The following CUX2 variants were observed in gnomAD, a reference collection of about 807,000 sequenced individuals.
CUX2 encodes the protein homeobox protein cut-like 2.
A neutral mutation model predicts 144.8 loss-of-function variants in CUX2; 40 were observed. The observed-to-expected ratio is 0.28, with a 90% confidence interval of 0.21 to 0.36. CUX2 has a LOEUF of 0.36. CUX2 is among the 10% of genes least tolerant of loss of function. CUX2 has a pLI of 1.00. For missense variants in CUX2, 1,615 were observed against 1,994.0 expected (o/e 0.81, Z 3.62); for synonymous variants, 827 against 875.6 (o/e 0.94, Z 0.98).
At chr12:111,083,976 C>T (rs776294102) in intron 1 of CUX2, among the ~76,000 whole-genome samples, 1 of 152,042 alleles carries the variant, frequency 6.6e-6, no homozygotes, top group Admixed American at 6.5e-5. Context: ...CCTCGAGTAC[C>T]AGGGTGGGAG....
At position 111,070,393 on chromosome 12, in the gene CUX2, T is replaced by TTTCCTTCC. The variant is rs143464416; in HGVS notation, c.63+36209_63+36216dup. On this transcript the variant is annotated intron_variant, in intron 1 of 21. Transcript: ENST00000261726. The stretch of plus-strand genomic sequence containing the variant: ...CCCTCCCTTCTTCCTTCCTTCCTTC[T>TTTCCTTCC]TTCCTTCCTTCCTTCCTTCCTTCCT... 1.5e-3 allele frequency among the ~76,000 whole-genome samples: 154 copies of TTTCCTTCC among 99,466 alleles called. 1 individual carries two copies. Among genetic ancestry groups the TTTCCTTCC allele is most frequent in the African/African-American group, 4.9e-3 (113 of 22,958 alleles). The allele number at this position is 99,466 out of a possible 152,430, so 65.3% of individuals were successfully genotyped here. A position where few individuals can be genotyped will look rare whatever the true frequency, so the allele number is the denominator to read the frequency against.
chr12:111,047,667 T>C (rs60979534), intron 1 of CUX2, among the ~76,000 whole-genome samples: 12,556 of 152,250 alleles, frequency 0.082, 1,732 homozygotes, highest in African/African-American at 0.29. Context: ...CCAGACAGTC[T>C]GGCCAGAGTC....
chr12:111,053,908 G>A (rs1361170372), intron 1 of CUX2, among the ~76,000 whole-genome samples: 2 of 152,104 alleles, frequency 1.3e-5, no homozygotes, highest in African/African-American at 2.4e-5. Context: ...TAATCCTAAC[G>A]CTTTGGGAGG....
intron 1 of CUX2, among the ~76,000 whole-genome samples, chr12:111,201,892 T>C (rs1284172849): frequency 6.6e-6 from 1 of 152,242 alleles, no homozygotes; most frequent in Non-Finnish European, 1.5e-5. Flanking sequence ...AGCCCAGCTC[T>C]GCTTTTGCCT....
At chr12:111,060,250 G>A (rs1378574597) in intron 1 of CUX2, among the ~76,000 whole-genome samples, 3 of 151,900 alleles carry the variant, frequency 2.0e-5, no homozygotes, top group Non-Finnish European at 4.4e-5. Flanking sequence ...AAACTTCCTC[G>A]TCCCCAAATC....
At chr12:111,193,648 T>G (rs1157766031) in intron 1 of CUX2, among the ~76,000 whole-genome samples, 1 of 152,170 alleles carries the variant, frequency 6.6e-6, no homozygotes, top group Admixed American at 6.5e-5. Flanking sequence ...ACAGGCCCCT[T>G]GTTCGGGATC....
chr12:111,296,084 A>G (rs969985593), intron 7 of CUX2, among the ~76,000 whole-genome samples: 1 of 152,100 alleles, frequency 6.6e-6, no homozygotes, highest in Admixed American at 6.6e-5. Context: ...GTGGTTGAAC[A>G]CCTCGGGATG....
chr12:111,077,406 C>A lies in CUX2; in HGVS notation c.63+43166C>A, dbSNP rs1216848203. On this transcript the variant is annotated intron_variant, in intron 1 of 21. Coordinates refer to ENST00000261726, the MANE Select transcript of CUX2 (RefSeq NM_015267.4). This position sits in a 1 kb window ranked among gnomAD's most constrained non-coding sequence, Gnocchi z 4.1. ...GGCGCGGCCATGCCATCGACCTGAA[C>A]CCCCTGGACTTCTGCCCCCCTGGAC... Among the ~76,000 whole-genome samples, 2 of 152,168 alleles carry A rather than the reference C, an allele frequency of 1.3e-5. No individual in the cohort carries two copies. The highest frequency in any genetic ancestry group is 1.9e-4 in the East Asian group (1 of 5,178).
At chr12:111,291,928 G>A (rs1885715411) in intron 5 of CUX2, among the ~76,000 whole-genome samples, 1 of 152,116 alleles carries the variant, frequency 6.6e-6, no homozygotes, top group East Asian at 1.9e-4. Context: ...CACCCACCAA[G>A]CCCTGGGATG....
chr12:111,227,320 G>A (rs1882204771), intron 3 of CUX2, among the ~76,000 whole-genome samples: 1 of 152,178 alleles, frequency 6.6e-6, no homozygotes, highest in African/African-American at 2.4e-5. Flanking sequence ...AGTGACTTAA[G>A]CCTAGAGTCG....
At chr12:111,242,021 T>C (rs1883044021) in intron 3 of CUX2, among the ~76,000 whole-genome samples, 1 of 152,256 alleles carries the variant, frequency 6.6e-6, no homozygotes, top group African/African-American at 2.4e-5. Context: ...GACATAATTG[T>C]TCATCATTTC....
chr12:111,146,136 C>T (rs958783539), intron 1 of CUX2, among the ~76,000 whole-genome samples: 8 of 152,358 alleles, frequency 5.3e-5, no homozygotes, highest in Admixed American at 3.9e-4. Flanking sequence ...ACCAGCAACA[C>T]GCCCACCCAA....
At chr12:111,119,218 T>C (rs1049192488) in intron 1 of CUX2, among the ~76,000 whole-genome samples, 10 of 152,180 alleles carry the variant, frequency 6.6e-5, no homozygotes, top group African/African-American at 2.2e-4. Context: ...CCATAGACAA[T>C]CTGTAAAGGA....
chr12:111,181,421 T>A (rs1347615199), intron 1 of CUX2, among the ~76,000 whole-genome samples: 1 of 152,226 alleles, frequency 6.6e-6, no homozygotes, highest in East Asian at 1.9e-4. Flanking sequence ...CTCTCCTGAT[T>A]GGGCGATTGA....
At chr12:111,079,771 C>G (rs116806209) in intron 1 of CUX2, among the ~76,000 whole-genome samples, 1,600 of 152,282 alleles carry the variant, frequency 0.011, 24 homozygotes, top group African/African-American at 0.036. Flanking sequence ...GCATGTGTGT[C>G]CAGGTCAGTT....
At chr12:111,051,560 T>C (rs1870267018) in intron 1 of CUX2, among the ~76,000 whole-genome samples, 1 of 152,102 alleles carries the variant, frequency 6.6e-6, no homozygotes, top group African/African-American at 2.4e-5. Context: ...CCCAGTTTCT[T>C]ATGGTGGCTG....
chr12:111,267,195 CAAAA>C (rs11290695), intron 4 of CUX2, among the ~76,000 whole-genome samples: 16 of 66,362 alleles, frequency 2.4e-4, no homozygotes, highest in South Asian at 1.4e-3. Flanking sequence ...AAGACCCTGT[CAAAA>C]AAAAAAAAAA....
chr12:111,260,451 G>A (rs1255671041), intron 3 of CUX2, among the ~76,000 whole-genome samples: 5 of 151,652 alleles, frequency 3.3e-5, no homozygotes, highest in South Asian at 2.1e-4. Context: ...GCTACAGAGC[G>A]AGACTCTGTC....
intron 4 of CUX2, among the ~76,000 whole-genome samples, chr12:111,274,223 C>A (rs1884757146): frequency 6.6e-6 from 1 of 152,170 alleles, no homozygotes; most frequent in Non-Finnish European, 1.5e-5. Context: ...AGCTACCGCG[C>A]CTGGTGAAGA....
Sources: gnomAD v4.1 joint callset for allele counts (sites outside exome capture counted in the v4.1 genomes callset) on GRCh38, gnomAD v4.1.1 for gene constraint, Gnocchi (gnomAD v3.1) non-coding constraint, MANE v1.5 for transcripts, NCBI Gene and HGNC (gene_info 2026-07-23, HGNC 2026-07-21) for gene names.